TCERG1L: variants seen among roughly 807,000 people sequenced by gnomAD.
TCERG1L encodes the protein transcription elongation regulator 1 like, also known as transcription elongation regulator 1-like protein.
Under a neutral mutation model 56.3 loss-of-function variants are expected in TCERG1L, and 37 were observed. The observed-to-expected ratio is 0.66, with a 90% CI of 0.51 to 0.87. The LOEUF is 0.87. Ranked by LOEUF, TCERG1L falls within the 40% of genes least tolerant of loss-of-function variation. The pLI is 0.00. For missense variants in TCERG1L, 799 were observed against 774.2 expected (o/e 1.03, Z -0.38); for synonymous variants, 324 against 326.3 (o/e 0.99, Z 0.08).
In TCERG1L at chr10:131,197,309, G is replaced by C. The variant is rs576561763; in HGVS notation, c.857-30424C>G. On this transcript the variant is annotated intron_variant, in intron 4 of 11. Transcript: ENST00000368642. The stretch of plus-strand genomic sequence containing the variant: ...CCATTCTCCTGCCTCAGCCTCCCGA[G>C]TAGCTGGGACTACAGGCGCCCGCCA... Among the ~76,000 whole-genome samples the C allele has an allele frequency of 5.9e-3, 901 of 152,004 alleles. 13 individuals are homozygous for C. Among genetic ancestry groups the C allele is most frequent in the Non-Finnish European group, 7.4e-3 (501 of 67,988 alleles).
intron 7 of TCERG1L, among the ~76,000 whole-genome samples, chr10:131,143,962 C>T (rs887508826): frequency 2.0e-5 from 3 of 152,190 alleles, no homozygotes; most frequent in Non-Finnish European, 2.9e-5. Context: ...TGTGGAATGA[C>T]GAACGTCTCA....
intron 3 of TCERG1L, among the ~76,000 whole-genome samples, chr10:131,304,820 A>T (rs2133585431): frequency 6.6e-6 from 1 of 152,118 alleles, no homozygotes; most frequent in African/African-American, 2.4e-5. Flanking sequence ...GGAGCCAAGA[A>T]TCCTGAGTGG....
At chr10:131,286,399 G>A (rs1478410379) in intron 3 of TCERG1L, among the ~76,000 whole-genome samples, 1 of 152,144 alleles carries the variant, frequency 6.6e-6, no homozygotes, top group East Asian at 1.9e-4. Context: ...TATTAAGTCA[G>A]AAGTGACATA....
rs536647398 is a variant in TCERG1L at position 131,192,868 on chromosome 10, T to C, written c.857-25983A>G. Reference sequence around the variant, plus strand: ...ACTGGAGACTAAGAAACAGGGAGAGTGTGAGGAGCTGAGGGACAAAAAAAC... The same window carrying C: ...ACTGGAGACTAAGAAACAGGGAGAGCGTGAGGAGCTGAGGGACAAAAAAAC... On this transcript the variant is annotated intron_variant, in intron 4 of 11. Coordinates refer to ENST00000368642, the MANE Select transcript of TCERG1L (RefSeq NM_174937.4). Among the ~76,000 whole-genome samples the C allele has an allele frequency of 2.6e-4, 27 of 105,192 alleles. 3 individuals carry two copies. The South Asian group carries it at 5.9e-3, about 23-fold the overall frequency. 69.0% of individuals were successfully genotyped at this position (105,192 alleles called of 152,430 possible). A position where few individuals can be genotyped will look rare whatever the true frequency, so the allele number is the denominator to read the frequency against.
Position 131,158,844 on chromosome 10 carries a change from C to T in TCERG1L, c.1034+4278G>A, listed in dbSNP as rs150721993. Among the ~76,000 whole-genome samples the T allele has an allele frequency of 2.9e-3, 436 of 152,306 alleles. 3 individuals carry two copies. The highest frequency in any genetic ancestry group is 0.028 in the South Asian group (134 of 4,828). ...AGGAGATTCCCTGAGACATGGGGAGCGAGCTCTGGGCTTGGCCGCGAGAGG... is the reference window on the plus strand; with the variant it reads ...AGGAGATTCCCTGAGACATGGGGAGTGAGCTCTGGGCTTGGCCGCGAGAGG... On this transcript the variant is annotated intron_variant, in intron 6 of 11. Coordinates refer to ENST00000368642, the MANE Select transcript of TCERG1L (RefSeq NM_174937.4).
At chr10:131,134,282 G>T in intron 8 of TCERG1L, 97 bp downstream of exon 8, 3 of 1,117,608 alleles carry the variant, frequency 2.7e-6, no homozygotes, top group Non-Finnish European at 3.9e-6. Flanking sequence ...TTAGCTCTTT[G>T]CTCATAGTCA....
chr10:131,287,785 T>C (rs1846562270), intron 3 of TCERG1L, among the ~76,000 whole-genome samples: 1 of 152,156 alleles, frequency 6.6e-6, no homozygotes, highest in South Asian at 2.1e-4. Context: ...TGCAATTAAC[T>C]CTTGCAATAA....
intron 4 of TCERG1L, among the ~76,000 whole-genome samples, chr10:131,173,187 G>A (rs1157603829): frequency 2.0e-5 from 3 of 152,078 alleles, no homozygotes; most frequent in Middle Eastern, 3.4e-3. Context: ...CACCCCACCC[G>A]GCCTGAATGA....
In TCERG1L at chr10:131,216,530, A is replaced by G. The variant is rs971719559; in HGVS notation, c.856+43729T>C. On this transcript the variant is annotated intron_variant, in intron 4 of 11. Transcript: ENST00000368642. ...TTAACATCTCATCCTTACGTATTAC[A>G]TAGGAGGAAACTGAGTCTCCTCAGA... Among the ~76,000 whole-genome samples, 31 of 152,348 alleles carry G rather than the reference A, an allele frequency of 2.0e-4. 1 individual carries two copies. The highest frequency in any genetic ancestry group is 6.7e-4 in the African/African-American group (28 of 41,578).
At chr10:131,284,163 T>C (rs1351754915) in intron 3 of TCERG1L, among the ~76,000 whole-genome samples, 7 of 148,684 alleles carry the variant, frequency 4.7e-5, no homozygotes, top group Non-Finnish European at 8.9e-5. Flanking sequence ...AACTGAGAGA[T>C]ATCAGGCCAT....
intron 7 of TCERG1L, among the ~76,000 whole-genome samples, chr10:131,137,859 A>T (rs988779415): frequency 1.3e-5 from 2 of 152,192 alleles, no homozygotes; most frequent in Non-Finnish European, 2.9e-5. Flanking sequence ...CAGCATAGCA[A>T]GCTCTCTGGT....
chr10:131,247,954 C>A (rs1442345984), intron 4 of TCERG1L, among the ~76,000 whole-genome samples: 1 of 151,932 alleles, frequency 6.6e-6, no homozygotes, highest in African/African-American at 2.4e-5. Context: ...CTCACATACA[C>A]ACACTAAATT....
At chr10:131,285,472 GAAA>G (rs1464047266) in intron 3 of TCERG1L, among the ~76,000 whole-genome samples, 2,789 of 16,190 alleles carry the variant, frequency 0.17, 92 homozygotes, top group African/African-American at 0.21. Context: ...AGGGAAGAAA[GAAA>G]GAAAGAAAGA....
intron 9 of TCERG1L, among the ~76,000 whole-genome samples, chr10:131,116,334 G>A (rs546784190): frequency 1.2e-4 from 18 of 152,316 alleles, no homozygotes; most frequent in South Asian, 4.1e-4. Context: ...AAGCTAAACA[G>A]TGAGGTCGGG....
chr10:131,227,087 TGG>T lies in TCERG1L; in HGVS notation c.856+33170_856+33171del, dbSNP rs533066781. On this transcript the variant is annotated intron_variant, in intron 4 of 11. Coordinates refer to ENST00000368642, the MANE Select transcript of TCERG1L (RefSeq NM_174937.4). ...TTCGCCCTCGGCCCTCACAGGACCC[TGG>T]AGAGAGCGGCACCCCATTCAGAGAC... Among the ~76,000 whole-genome samples, 69 of 152,326 alleles carry T rather than the reference TGG, an allele frequency of 4.5e-4. 1 individual carries two copies. Among genetic ancestry groups the T allele is most frequent in the African/African-American group, 1.6e-3 (67 of 41,584 alleles).
intron 8 of TCERG1L, among the ~76,000 whole-genome samples, chr10:131,124,182 G>A (rs1274362941): frequency 6.6e-6 from 1 of 152,132 alleles, no homozygotes. Flanking sequence ...AGAGATCTCT[G>A]GCCTCTGACA....
chr10:131,154,313 T>C (rs1439381401), intron 6 of TCERG1L, among the ~76,000 whole-genome samples: 1 of 152,106 alleles, frequency 6.6e-6, no homozygotes, highest in African/African-American at 2.4e-5. Flanking sequence ...ATCCTGCAAA[T>C]AGCAGGACCC....
At chr10:131,165,583 G>C (rs1259606421) in intron 5 of TCERG1L, among the ~76,000 whole-genome samples, 1 of 152,156 alleles carries the variant, frequency 6.6e-6, no homozygotes, top group African/African-American at 2.4e-5. Context: ...ATTAAGACTA[G>C]AGCTTATATT....
intron 10 of TCERG1L, among the ~76,000 whole-genome samples, chr10:131,098,898 G>A (rs1200101727): frequency 6.6e-6 from 1 of 152,240 alleles, no homozygotes; most frequent in African/African-American, 2.4e-5. Flanking sequence ...CTAGGGTGAC[G>A]TAATTGACAT....
Sources: gnomAD v4.1 joint callset for allele counts (sites outside exome capture counted in the v4.1 genomes callset) on GRCh38, gnomAD v4.1.1 for gene constraint, MANE v1.5 for transcripts, NCBI Gene and HGNC (gene_info 2026-07-23, HGNC 2026-07-21) for gene names.